COL24A1: variants seen among roughly 807,000 people sequenced by gnomAD.
The protein encoded by COL24A1 is collagen type XXIV alpha 1 chain.
Under a neutral mutation model 253.9 loss-of-function variants are expected in COL24A1, and 224 were observed. The ratio of observed to expected loss-of-function variants is 0.88; its 90% CI spans 0.79 to 0.99. The LOEUF is 0.99. Ranked by LOEUF, COL24A1 falls within the 50% of genes least tolerant of loss-of-function variation. The pLI, the probability that COL24A1 is intolerant of heterozygous loss-of-function variation, is 0.00. For synonymous variants in COL24A1, 685 were observed against 673.7 expected, an observed-to-expected ratio of 1.02 and a Z score of -0.26; for missense variants, 2,131 against 2,068.5, an observed-to-expected ratio of 1.03 and a Z score of -0.59.
At chr1:85,943,281 C>A (rs989083025) in intron 24 of COL24A1, among the ~76,000 whole-genome samples, 4 of 152,198 alleles carry the variant, frequency 2.6e-5, no homozygotes, top group Non-Finnish European at 4.4e-5. Context: ...TTGGACAGAG[C>A]CAAGCTACTG....
chr1:85,837,768 T>C (rs1676176958), intron 43 of COL24A1, among the ~76,000 whole-genome samples: 1 of 152,160 alleles, frequency 6.6e-6, no homozygotes, highest in African/African-American at 2.4e-5. Flanking sequence ...TGAGTGAAAT[T>C]ATAAAGGATT....
intron 7 of COL24A1, among the ~76,000 whole-genome samples, chr1:86,085,917 G>A (rs1030942641): frequency 2.6e-5 from 4 of 152,072 alleles, no homozygotes; most frequent in Non-Finnish European, 4.4e-5. Flanking sequence ...AGACTGAAGA[G>A]AATACTGCTG....
At chr1:86,040,580 C>T (rs1699403989) in intron 12 of COL24A1, among the ~76,000 whole-genome samples, 1 of 151,018 alleles carries the variant, frequency 6.6e-6, no homozygotes, top group Non-Finnish European at 1.5e-5. Context: ...TATGTTCTGC[C>T]TGGACTTCCT....
chr1:85,847,469 T>A (rs1055233585), intron 39 of COL24A1, among the ~76,000 whole-genome samples, 196 bp downstream of exon 39: 2 of 152,230 alleles, frequency 1.3e-5, no homozygotes, highest in Non-Finnish European at 2.9e-5. Context: ...TCTTTCCTTT[T>A]TCATGTCCAG....
intron 19 of COL24A1, among the ~76,000 whole-genome samples, chr1:86,015,402 G>A (rs952361947): frequency 2.6e-5 from 4 of 152,108 alleles, no homozygotes; most frequent in African/African-American, 4.8e-5. Context: ...TGGATATTAT[G>A]AAATTTTAAA....
chr1:86,117,486 T>G (rs1201924362), intron 3 of COL24A1, among the ~76,000 whole-genome samples: 2 of 152,204 alleles, frequency 1.3e-5, no homozygotes, highest in African/African-American at 4.8e-5. Flanking sequence ...CCTCCTAGTT[T>G]ATGGCATTTT....
intron 55 of COL24A1, among the ~76,000 whole-genome samples, chr1:85,757,446 T>C (rs1297486144): frequency 6.6e-6 from 1 of 152,172 alleles, no homozygotes; most frequent in African/African-American, 2.4e-5. Context: ...TGATTTTCTG[T>C]GTGTGGCAGT....
At chr1:85,897,860 T>C (rs577503412) in intron 28 of COL24A1, among the ~76,000 whole-genome samples, 1 of 152,216 alleles carries the variant, frequency 6.6e-6, no homozygotes, top group Admixed American at 6.5e-5. Flanking sequence ...AGATAAGACA[T>C]GCCAAGGACC....
Position 85,938,851 on chromosome 1 carries a change from G to GAATATTT in COL24A1, c.2562+22397_2562+22398insAAATATT, listed in dbSNP as rs1428552179. ...ATAAAAGCCCAGTTACTTAAGCCTA[G>GAATATTT]CATGGGACTACTCAGATGGGTCATA... is the stretch of plus-strand genomic sequence containing the variant. On this transcript the variant is annotated intron_variant, in intron 24 of 59. Coordinates refer to ENST00000370571, the MANE Select transcript of COL24A1 (RefSeq NM_152890.7). Among the ~76,000 whole-genome samples, 6 of 118,070 alleles carry GAATATTT rather than the reference G, an allele frequency of 5.1e-5. 1 individual carries two copies. The highest frequency in any genetic ancestry group is 3.3e-4 in the East Asian group (1 of 3,004). 77.5% of individuals were successfully genotyped at this position (118,070 alleles called of 152,430 possible).
intron 19 of COL24A1, among the ~76,000 whole-genome samples, chr1:86,003,674 C>T (rs1432802602): frequency 1.3e-5 from 2 of 151,148 alleles, no homozygotes; most frequent in Non-Finnish European, 3.0e-5. Context: ...GAGCAGTGTA[C>T]CAGCTCATCA....
chr1:85,964,283 G>A (rs1461068293), intron 23 of COL24A1, among the ~76,000 whole-genome samples: 2 of 152,004 alleles, frequency 1.3e-5, no homozygotes, highest in Non-Finnish European at 2.9e-5. Context: ...ATTTGTTGGT[G>A]TTATAAAAAT....
chr1:86,015,450 A>C (rs1404531527), intron 19 of COL24A1, among the ~76,000 whole-genome samples: 1 of 152,186 alleles, frequency 6.6e-6, no homozygotes. Context: ...TAGAAGACCA[A>C]GTAGTAAGTG....
At chr1:86,112,419 G>C in intron 5 of COL24A1, 148 bp downstream of exon 5, 2 of 621,350 alleles carry the variant, frequency 3.2e-6, no homozygotes, top group Non-Finnish European at 5.4e-6. Context: ...GCCAGGCTAA[G>C]ACAATCATGT....
intron 5 of COL24A1, among the ~76,000 whole-genome samples, chr1:86,100,117 G>C (rs897636918): frequency 1.3e-5 from 2 of 152,024 alleles, no homozygotes; most frequent in Non-Finnish European, 2.9e-5. Flanking sequence ...TTAAGAAAAC[G>C]TGGCACAAAT....
At position 86,059,112 on chromosome 1, in the gene COL24A1, T is replaced by C; in HGVS notation, c.1806+9A>G. 6.2e-7 allele frequency: 1 copy of C among 1,600,262 alleles called. No homozygotes were observed. Among genetic ancestry groups the C allele is most frequent in the Non-Finnish European group, 8.5e-7 (1 of 1,170,276 alleles). On this transcript the variant is annotated intron_variant, in intron 9 of 59. Transcript: ENST00000370571. ...CACAAAGAGAAAAGTCTAAATATAGTTACTGCACCTGCCTGCCAGGGTAAC... is the reference window on the plus strand; with the variant it reads ...CACAAAGAGAAAAGTCTAAATATAGCTACTGCACCTGCCTGCCAGGGTAAC...
At chr1:86,063,383 T>TGTGTGTGTGTGTGTGTGTGTGTGTG (rs1376429091) in intron 8 of COL24A1, among the ~76,000 whole-genome samples, 2 of 144,368 alleles carry the variant, frequency 1.4e-5, no homozygotes, top group South Asian at 4.5e-4. Context: ...GTGTGTGTGT[T>TGTGTGTGTGTGTGTGTGTGTGTGTG]TGTATGTGTA....
chr1:86,129,799 A>G (rs1314941618), intron 2 of COL24A1, among the ~76,000 whole-genome samples: 4 of 151,864 alleles, frequency 2.6e-5, no homozygotes, highest in Non-Finnish European at 2.9e-5. Context: ...AATTAGCCTC[A>G]TAAGTGGTCA....
intron 32 of COL24A1, among the ~76,000 whole-genome samples, chr1:85,881,486 G>A (rs1426186666): frequency 2.0e-5 from 3 of 151,940 alleles, no homozygotes; most frequent in African/African-American, 4.8e-5. Flanking sequence ...TTAGCCAGGT[G>A]TGGTGGTACG....
At position 85,927,390 on chromosome 1, in the gene COL24A1, G is replaced by A. The variant is rs1220449218; in HGVS notation, c.2563-15957C>T. Among the ~76,000 whole-genome samples the A allele has an allele frequency of 2.9e-4, 44 of 149,344 alleles. No homozygotes were observed. In the East Asian group the frequency reaches 5.4e-3, roughly 18 times the overall value. On this transcript the variant is annotated intron_variant, in intron 24 of 59. Transcript: ENST00000370571. ...TTTTCAGACCGGCTTAAGAAACGGC[G>A]CACCACGAGACTATATCCCACACCT... is the stretch of plus-strand genomic sequence containing the variant.
Sources: gnomAD v4.1 joint callset for allele counts (sites outside exome capture counted in the v4.1 genomes callset) on GRCh38, gnomAD v4.1.1 for gene constraint, MANE v1.5 for transcripts, NCBI Gene and HGNC (gene_info 2026-07-23, HGNC 2026-07-21) for gene names.